The following CAPN13 variants were observed in gnomAD, a reference collection of about 807,000 sequenced individuals.
CAPN13 encodes the protein calpain 13, also known as calpain-13.
Under a neutral mutation model 98.4 loss-of-function variants are expected in CAPN13, and 90 were observed. The observed-to-expected ratio is 0.92, with a 90% CI of 0.77 to 1.09. The LOEUF is 1.09. Among genes scored for constraint, CAPN13 ranks in the 50% least tolerant of loss-of-function variants. The pLI is 0.00. For synonymous variants in CAPN13, 330 were observed against 305.5 expected (o/e 1.08, Z -0.84); for missense variants, 887 against 841.3 (o/e 1.05, Z -0.67).
chr2:30,730,684 A>AC, intron 22 of CAPN13, 46 bp downstream of exon 22: 1 of 775,548 alleles, frequency 1.3e-6, no homozygotes, highest in Non-Finnish European at 2.4e-6. Flanking sequence ...GGGAAGGAGG[A>AC]CTCATGCTCC....
At chr2:30,731,217 G>A (rs1459846689) in intron 21 of CAPN13, 127 bp downstream of exon 21, 3 of 746,946 alleles carry the variant, frequency 4.0e-6, no homozygotes, top group Admixed American at 3.4e-5. Context: ...ATTGGAGGTT[G>A]GGGGGACAGC....
At chr2:30,725,375 C>G (rs1169385353) in intron 22 of CAPN13, among the ~76,000 whole-genome samples, 2 of 152,138 alleles carry the variant, frequency 1.3e-5, no homozygotes, top group African/African-American at 4.8e-5. Context: ...TTGCATATAC[C>G]TATATCCCAA....
intron 22 of CAPN13, among the ~76,000 whole-genome samples, chr2:30,728,239 C>A (rs1004546808): frequency 1.3e-5 from 2 of 150,844 alleles, no homozygotes; most frequent in Non-Finnish European, 2.9e-5. Flanking sequence ...TTCTAACAAT[C>A]ATATTGTGGT....
At chr2:30,725,315 T>A (rs1019157792) in intron 22 of CAPN13, among the ~76,000 whole-genome samples, 8 of 152,222 alleles carry the variant, frequency 5.3e-5, no homozygotes, top group African/African-American at 1.9e-4. Context: ...ATACACTTTG[T>A]TTAAAAGAAA....
At chr2:30,790,193 C>G (rs2148081040) in intron 1 of CAPN13, among the ~76,000 whole-genome samples, 1 of 152,356 alleles carries the variant, frequency 6.6e-6, no homozygotes, top group Admixed American at 6.5e-5. Context: ...CACTTTTGTG[C>G]ACAGCAGAAG....
rs559743402 is a variant in CAPN13, at chr2:30,734,073, C to A, written c.1798+376G>T. ...CCAAACTCTCTGTGAAGAGAGAGAG[C>A]GATCATCAGCTAGCCTGTGGGTATT... On this transcript the variant is annotated intron_variant, in intron 19 of 22. Coordinates refer to ENST00000295055, the MANE Select transcript of CAPN13 (RefSeq NM_144575.3). Among the ~76,000 whole-genome samples, 3 of 152,276 alleles carry A rather than the reference C, an allele frequency of 2.0e-5. No homozygotes were observed. The East Asian group carries it at 5.8e-4, about 29-fold the overall frequency.
intron 11 of CAPN13, among the ~76,000 whole-genome samples, chr2:30,747,983 G>A (rs1671996868): frequency 6.6e-6 from 1 of 152,196 alleles, no homozygotes; most frequent in South Asian, 2.1e-4. Flanking sequence ...TTAAAAATGG[G>A]GTGGTTACAA....
intron 17 of CAPN13, among the ~76,000 whole-genome samples, chr2:30,736,961 C>T (rs1879276): frequency 0.64 from 97,443 of 151,958 alleles, 32,408 homozygotes; most frequent in Non-Finnish European, 0.74. Context: ...CCTGCGTGCA[C>T]AAGTGTAGAG....
intron 15 of CAPN13, chr2:30,741,514 G>C (rs991894001): frequency 9.5e-7 from 1 of 1,054,670 alleles, no homozygotes; most frequent in African/African-American, 1.7e-5. Context: ...GATGCTGTAT[G>C]TGCTTTCTGA....
chr2:30,728,483 T>G (rs1244542549), intron 22 of CAPN13, among the ~76,000 whole-genome samples: 2 of 152,076 alleles, frequency 1.3e-5, no homozygotes, highest in Non-Finnish European at 2.9e-5. Context: ...GTTTGGTGAC[T>G]GACAGCCAAG....
At chr2:30,785,375 C>T (rs921700264) in intron 2 of CAPN13, among the ~76,000 whole-genome samples, 1 of 152,094 alleles carries the variant, frequency 6.6e-6, no homozygotes, top group Non-Finnish European at 1.5e-5. Context: ...AAGTACTACA[C>T]AAAGGTAAGT....
At chr2:30,750,125 T>C (rs1572813354) in intron 11 of CAPN13, among the ~76,000 whole-genome samples, 2 of 152,186 alleles carry the variant, frequency 1.3e-5, no homozygotes, top group African/African-American at 4.8e-5. Context: ...TGAAATATTA[T>C]GCAGCCACAA....
chr2:30,772,556 C>T (rs1206882944), intron 4 of CAPN13, among the ~76,000 whole-genome samples: 1 of 152,178 alleles, frequency 6.6e-6, no homozygotes, highest in Non-Finnish European at 1.5e-5. Context: ...ACAGCTCAAT[C>T]CTGGATCCTC....
intron 1 of CAPN13, among the ~76,000 whole-genome samples, chr2:30,797,380 C>A (rs959966597): frequency 1.1e-4 from 16 of 152,160 alleles, no homozygotes. Context: ...TGCTCACAGG[C>A]ACATAGAATC....
chr2:30,725,173 A>G (rs1468913012), intron 22 of CAPN13, among the ~76,000 whole-genome samples: 2 of 152,210 alleles, frequency 1.3e-5, no homozygotes, highest in African/African-American at 4.8e-5. Context: ...ATTAAAATCA[A>G]TACAGCCTCA....
At chr2:30,731,318 G>GC in intron 21 of CAPN13, 26 bp downstream of exon 21, 1 of 1,593,992 alleles carries the variant, frequency 6.3e-7, no homozygotes, top group East Asian at 2.3e-5. Flanking sequence ...GACTGTGCCT[G>GC]CCCCGGGGAG....
chr2:30,785,230 T>C (rs1378946181), intron 2 of CAPN13, among the ~76,000 whole-genome samples: 1 of 152,180 alleles, frequency 6.6e-6, no homozygotes, highest in Non-Finnish European at 1.5e-5. Context: ...AGAATCTTCA[T>C]TTAAATTCTG....
At chr2:30,745,588 G>T in intron 12 of CAPN13, 135 bp downstream of exon 12, 1 of 795,666 alleles carries the variant, frequency 1.3e-6, no homozygotes, top group East Asian at 2.7e-5. Context: ...TTCTAGGCCT[G>T]TGTCTGATGT....
chr2:30,743,521 C>A lies in CAPN13; in HGVS notation c.1307G>T (p.Ser436Ile), dbSNP rs113891539. Residue 436 changes from serine (S) to isoleucine (I), a missense_variant, in exon 13 of 23, where the codon AGC (serine) becomes ATC (isoleucine). Physicochemically the swap from Ser to Ile is moderately radical, Grantham distance 142. Coordinates refer to ENST00000295055, the MANE Select transcript of CAPN13 (RefSeq NM_144575.3). ...FFSSFRNTVQ[S>I]SNNKFRRNFT... The stretch of plus-strand genomic sequence containing the variant: ...GTTGCGGCGGAATTTATTATTTGAG[C>A]TTTGGACAGTGTTTCTGAACGAGGA... 148 of 1,613,896 alleles carry A rather than the reference C, an allele frequency of 9.2e-5. 2 individuals carry two copies. The African/African-American group carries it at 1.5e-3, about 16-fold the overall frequency.
Sources: allele counts gnomAD v4.1 joint callset (sites outside exome capture counted in the v4.1 genomes callset), GRCh38; gene constraint gnomAD v4.1.1; transcripts MANE v1.5; gene names NCBI Gene and HGNC (gene_info 2026-07-23, HGNC 2026-07-21).